Variants in MYH3 observed in about 807,000 individuals in gnomAD.
The protein encoded by MYH3 is myosin heavy chain 3, also known as myosin-3.
In MYH3, 130 loss-of-function variants were observed where a neutral mutation model predicts 238.0. That is an observed-to-expected ratio of 0.55 (90% CI 0.47 to 0.63). The LOEUF is 0.63. Ranked by LOEUF, MYH3 falls within the 30% of genes least tolerant of loss-of-function variation. The pLI is 0.00. For synonymous variants in MYH3, 880 were observed against 924.1 expected (o/e 0.95, Z 0.86); for missense variants, 1,853 against 2,374.9 (o/e 0.78, Z 4.57).
chr17:10,636,914 TAA>T (rs879678430), intron 28 of MYH3, among the ~76,000 whole-genome samples: 19 of 143,144 alleles, frequency 1.3e-4, no homozygotes, highest in African/African-American at 3.6e-4. Context: ...AGACTCTGTC[TAA>T]AAAAAAAAAA....
At position 10,629,879 on chromosome 17, in the gene MYH3, A is replaced by G. The variant is rs759371633; in HGVS notation, c.5621T>C (p.Val1874Ala). 20 of 1,613,892 alleles carry G rather than the reference A, an allele frequency of 1.2e-5. No homozygotes were observed. Among genetic ancestry groups the G allele is most frequent in the East Asian group, 2.2e-5 (1 of 44,886 alleles). The change falls in exon 39 of 41, where the codon GTG becomes GCG. Residue 1874 changes from valine (V) to alanine (A), a missense_variant. Around this residue, in one of 3 missense-constraint regions of MYH3, gnomAD observed 1,044 missense variants for 1,192.6 expected, o/e 0.88. Transcript: ENST00000583535. ...RLQDLVDKLQ[V>A]KVKSYKRQAE... Reference sequence around the variant, plus strand: ...CTGCCTCTTGTAGGACTTGACTTTCACTTGCAGTTTATCCACCAGATCCTG... The same window carrying G: ...CTGCCTCTTGTAGGACTTGACTTTCGCTTGCAGTTTATCCACCAGATCCTG...
Position 10,638,203 on chromosome 17 carries a change from AC to A in MYH3, c.3568del (p.Val1190TrpfsTer4). ...EEATLQHEAM[V>X]AALRKKHADS... Reference sequence around the variant, plus strand: ...CGCATGCTTCTTCCTCAGCGCGGCCACCATGGCTTCGTGCTGCAGTGTGGCC... The same window carrying A: ...CGCATGCTTCTTCCTCAGCGCGGCCACATGGCTTCGTGCTGCAGTGTGGCC... On this transcript the variant is annotated frameshift_variant, in exon 27 of 41. Coordinates refer to ENST00000583535, the MANE Select transcript of MYH3 (RefSeq NM_002470.4). LOFTEE classifies it high-confidence loss of function. 6.2e-7 allele frequency: 1 copy of A among 1,613,692 alleles called. No homozygotes were observed. Among genetic ancestry groups the A allele is most frequent in the Non-Finnish European group, 8.5e-7 (1 of 1,179,926 alleles).
intron 28 of MYH3, among the ~76,000 whole-genome samples, chr17:10,636,288 C>CAAAAAAAAAAA (rs397786526): frequency 1.2e-5 from 1 of 81,024 alleles, no homozygotes; most frequent in Non-Finnish European, 2.2e-5. Flanking sequence ...GCCTCAATCT[C>CAAAAAAAAAAA]AAAAAAAAAA....
At position 10,647,382 on chromosome 17, in the gene MYH3, G is replaced by A. The variant is rs2142413811; in HGVS notation, c.780C>T (p.Ala260=). 1.2e-6 allele frequency: 2 copies of A among 1,614,236 alleles called. No individual in the cohort carries two copies. Among genetic ancestry groups the A allele is most frequent in the Middle Eastern group, 3.3e-4 (2 of 6,062 alleles). ...RIHFGTTGKL[A]SADIETYLLE... is the part of the protein sequence containing the mutation. ...ACTTACAAGTTTCAATATCTGCAGA[G>A]GCCAGCTTCCCAGTGGTTCCAAAAT... The change falls in exon 9 of 41, where the codon GCC becomes GCT. Residue 260 remains alanine, a synonymous_variant. Transcript: ENST00000583535.
the MYH3 span, among the ~76,000 whole-genome samples, chr17:10,663,816 A>G: frequency 5.9e-5 from 9 of 152,216 alleles, no homozygotes; most frequent in Admixed American, 6.5e-5. Flanking sequence ...TAATCCCAGC[A>G]CTTTGGGAGG....
the MYH3 span, among the ~76,000 whole-genome samples, chr17:10,667,981 G>A: frequency 6.6e-6 from 1 of 152,120 alleles, no homozygotes. Flanking sequence ...AATATGAACA[G>A]AACATTAATA....
Position 10,647,335 on chromosome 17 carries a change from G to A in MYH3, c.799+28C>T, listed in dbSNP as rs372653698. 223 of 1,613,660 alleles carry A rather than the reference G, an allele frequency of 1.4e-4. No individual in the cohort carries two copies. In the Middle Eastern group the frequency reaches 8.2e-3, roughly 60 times the overall value. ...AACTGTTCCCAGTTAACTCTGAGAC[G>A]CCATCGAATCCCCATGGATCTACTT... On this transcript the variant is annotated intron_variant, in intron 9 of 40. Transcript: ENST00000583535.
the MYH3 span, chr17:10,675,993 A>G: frequency 6.6e-6 from 1 of 152,210 alleles, no homozygotes; most frequent in African/African-American, 2.4e-5. Context: ...ACGAGTTTAC[A>G]CTGACTGGAT....
At chr17:10,653,928 G>A (rs188766480) in intron 3 of MYH3, among the ~76,000 whole-genome samples, 64 of 152,076 alleles carry the variant, frequency 4.2e-4, no homozygotes, top group Non-Finnish European at 6.9e-4. Context: ...CCACCTTTTC[G>A]GAGCTCCAAT....
Position 10,654,803 on chromosome 17 carries a change from A to T in MYH3, c.204+58T>A, listed in dbSNP as rs1326424727. The T allele has an allele frequency of 6.5e-7, 1 of 1,531,094 alleles. No individual in the cohort carries two copies. The highest frequency in any genetic ancestry group is 9.1e-7 in the Non-Finnish European group (1 of 1,104,260). 94.8% of individuals were successfully genotyped at this position (1,531,094 alleles called of 1,614,324 possible). A position where few individuals can be genotyped will look rare whatever the true frequency, so the allele number is the denominator to read the frequency against. ...CTGGGGTTGGGCAGATGCATACCCC[A>T]GGCAAGCACAAGGACCAGGTGGAGG... On this transcript the variant is annotated intron_variant, in intron 3 of 40. Transcript: ENST00000583535. The surrounding 1 kb of genome is among the most constrained non-coding windows in gnomAD (Gnocchi z 4.5).
At chr17:10,677,778 C>T in the MYH3 span, 9 of 152,184 alleles carry the variant, frequency 5.9e-5, no homozygotes, top group African/African-American at 2.2e-4. Context: ...AGTGAAAACA[C>T]TGTAACCCAC....
At chr17:10,658,148 A>AC (rs953591596), upstream of MYH3, among the ~76,000 whole-genome samples, 64 of 152,242 alleles carry the variant, frequency 4.2e-4, no homozygotes, top group East Asian at 1.4e-3. Flanking sequence ...AGGGCGGACA[A>AC]GGGGGGGCTG....
At chr17:10,660,978 CCTT>C (rs2074476486), upstream of MYH3, among the ~76,000 whole-genome samples, 1 of 151,154 alleles carries the variant, frequency 6.6e-6, no homozygotes, top group Admixed American at 6.6e-5. Context: ...GAGTGAGACT[CCTT>C]ATTTTTTTTT....
rs2074255122 is a variant in MYH3, at chr17:10,640,065, C to T, written c.2613G>A (p.Arg871=). 1 of 1,613,932 alleles carries T rather than the reference C, an allele frequency of 6.2e-7. No individual in the cohort carries two copies. The change falls in exon 22 of 41, where the codon AGG becomes AGA. Residue 871 remains arginine, a synonymous_variant. Coordinates refer to ENST00000583535, the MANE Select transcript of MYH3 (RefSeq NM_002470.4). ...KDELAKSEAK[R]KELEEKLVTL... Reference sequence around the variant, plus strand: ...TCACCAGTTTTTCCTCTAGCTCCTTCCTTTTTGCCTCCGACTTGGCGAGTT... The same window carrying T: ...TCACCAGTTTTTCCTCTAGCTCCTTTCTTTTTGCCTCCGACTTGGCGAGTT...
chr17:10,660,982 A>AT (rs769646114), upstream of MYH3, among the ~76,000 whole-genome samples: 261 of 144,282 alleles, frequency 1.8e-3, 1 homozygote, highest in African/African-American at 5.2e-3. Context: ...GAGACTCCTT[A>AT]TTTTTTTTTT....
chr17:10,658,483 GC>G (rs1002207214), upstream of MYH3: 14 of 151,990 alleles, frequency 9.2e-5, no homozygotes, highest in African/African-American at 3.4e-4. Flanking sequence ...CTGTGCTCTG[GC>G]CCTTACACAC....
chr17:10,676,835 G>A, the MYH3 span: 1 of 152,222 alleles, frequency 6.6e-6, no homozygotes, highest in Non-Finnish European at 1.5e-5. Context: ...TACGGAAGAA[G>A]AGCCAACAAA....
intron 10 of MYH3, 81 bp downstream of exon 10, chr17:10,647,101 T>C: frequency 9.8e-7 from 1 of 1,015,994 alleles, no homozygotes; most frequent in Non-Finnish European, 1.6e-6. Context: ...GTAGAGTCAC[T>C]CTACGTAGAT....
At chr17:10,638,844 TG>T (rs1373131522) in intron 26 of MYH3, 28 bp downstream of exon 26, 1 of 1,605,358 alleles carries the variant, frequency 6.2e-7, no homozygotes, top group Non-Finnish European at 8.5e-7. Flanking sequence ...TGGCCTCACA[TG>T]GAAGAGAGAA....
Sources: allele counts gnomAD v4.1 joint callset (sites outside exome capture counted in the v4.1 genomes callset), GRCh38; gene constraint gnomAD v4.1.1; regional missense constraint gnomAD v4.1.1; non-coding constraint Gnocchi (gnomAD v3.1); transcripts MANE v1.5; gene names NCBI Gene and HGNC (gene_info 2026-07-23, HGNC 2026-07-21).